MEF2D: variants seen among roughly 807,000 people sequenced by gnomAD.
The protein encoded by MEF2D is myocyte-specific enhancer factor 2D.
Under a neutral mutation model 59.3 loss-of-function variants are expected in MEF2D, and 10 were observed. The ratio of observed to expected loss-of-function variants is 0.17; its 90% CI spans 0.10 to 0.29. The LOEUF (loss-of-function observed/expected upper bound fraction) is 0.29, where lower values mean the gene tolerates loss of function less well. Ranked by LOEUF, MEF2D falls within the 10% of genes least tolerant of loss-of-function variation. MEF2D has a pLI of 1.00. For missense variants in MEF2D, 508 were observed against 699.4 expected (o/e 0.73, Z 3.09); for synonymous variants, 305 against 295.0 (o/e 1.03, Z -0.35).
intron 1 of MEF2D, among the ~76,000 whole-genome samples, chr1:156,485,066 C>A (rs559158592): frequency 2.2e-4 from 33 of 152,286 alleles, no homozygotes; most frequent in African/African-American, 7.9e-4. Flanking sequence ...CCGCCCTCCC[C>A]TCCAGAGCTC....
intron 9 of MEF2D, 81 bp from the exon 10 acceptor site, chr1:156,469,101 C>T: frequency 6.6e-7 from 1 of 1,513,086 alleles, no homozygotes; most frequent in Non-Finnish European, 8.9e-7. Flanking sequence ...TCCAGGAGGA[C>T]TGTGGGGATG....
intron 1 of MEF2D, 69 bp from the exon 2 acceptor site, chr1:156,483,499 G>A (rs1672158301): frequency 1.7e-6 from 1 of 578,554 alleles, no homozygotes; most frequent in Non-Finnish European, 3.1e-6. Context: ...TGGGCACACA[G>A]GCCAGACTCA....
intron 1 of MEF2D, among the ~76,000 whole-genome samples, chr1:156,498,522 C>T (rs1673277558): frequency 6.6e-6 from 1 of 152,050 alleles, no homozygotes; most frequent in Non-Finnish European, 1.5e-5. Flanking sequence ...CACAGATTTG[C>T]TGTGTGATCT....
rs61752715 is a variant in MEF2D, at chr1:156,479,336, C to A, written c.618G>T (p.Leu206=). 467 of 1,612,954 alleles carry A rather than the reference C, an allele frequency of 2.9e-4. 1 individual carries two copies. Among genetic ancestry groups the A allele is most frequent in the Non-Finnish European group, 3.8e-4 (443 of 1,179,590 alleles). The change falls in exon 6 of 12, where the codon CTG becomes CTT. Residue 206 remains leucine, a synonymous_variant. Transcript: ENST00000348159. ...PQRPASAGAM[L]GGDLNSANGA... ...CGTTAGCACTGTTCAGGTCACCCCC[C>A]AGCATGGCCCCTGGAGGAAAAACAG...
At chr1:156,489,793 G>A (rs562191534) in intron 1 of MEF2D, among the ~76,000 whole-genome samples, 36 of 152,274 alleles carry the variant, frequency 2.4e-4, no homozygotes, top group African/African-American at 8.7e-4. Context: ...GAGCATCCCA[G>A]AGCAGGCAGG....
Position 156,500,719 on chromosome 1 carries a change from C to T in MEF2D, c.-372G>A, listed in dbSNP as rs1000933639. 2.0e-5 allele frequency: 3 copies of T among 152,114 alleles called. No homozygotes were observed. The highest frequency in any genetic ancestry group is 7.2e-5 in the African/African-American group (3 of 41,428). The allele number at this position is 152,114 out of a possible 1,614,324, so 9.4% of individuals were successfully genotyped here. A position where few individuals can be genotyped will look rare whatever the true frequency, so the allele number is the denominator to read the frequency against. On this transcript the variant is annotated 5_prime_UTR_variant, in exon 1 of 12. Transcript: ENST00000348159. ...GAACCGGGGCCGAGCGCCTGAGCCGCCTCGGCTGTTGTTGATATTTTGCTT... is the reference window on the plus strand; with the variant it reads ...GAACCGGGGCCGAGCGCCTGAGCCGTCTCGGCTGTTGTTGATATTTTGCTT...
chr1:156,498,591 C>T (rs1215552002), intron 1 of MEF2D, among the ~76,000 whole-genome samples: 1 of 152,100 alleles, frequency 6.6e-6, no homozygotes, highest in Non-Finnish European at 1.5e-5. Flanking sequence ...TCCTCCCTTC[C>T]TCCCTTCCCC....
intron 6 of MEF2D, 23 bp downstream of exon 6, chr1:156,479,267 G>A: frequency 1.3e-6 from 2 of 1,598,704 alleles, no homozygotes; most frequent in South Asian, 2.3e-5. Flanking sequence ...CCCACCTCCA[G>A]GTAGAAGGAT....
At chr1:156,474,112 A>C (rs1671414983) in intron 9 of MEF2D, among the ~76,000 whole-genome samples, 1 of 152,120 alleles carries the variant, frequency 6.6e-6, no homozygotes, top group Admixed American at 6.5e-5. Context: ...TCTCGTCCTC[A>C]GGCTGCAGGC....
intron 1 of MEF2D, among the ~76,000 whole-genome samples, chr1:156,497,066 C>T (rs368718886): frequency 1.3e-5 from 2 of 152,354 alleles, no homozygotes; most frequent in South Asian, 2.1e-4. Flanking sequence ...CTCTCTCCCC[C>T]CCAGCTTCCC....
At position 156,468,010 on chromosome 1, in the gene MEF2D, T is replaced by C; in HGVS notation, c.1537A>G (p.Met513Val). The C allele has an allele frequency of 6.2e-7, 1 of 1,613,072 alleles. No individual in the cohort carries two copies. The highest frequency in any genetic ancestry group is 8.5e-7 in the Non-Finnish European group (1 of 1,179,704). The change falls in exon 11 of 12, where the codon ATG becomes GTG. Residue 513 changes from methionine to valine, a missense_variant. Around this residue, in one of 2 missense-constraint regions of MEF2D, gnomAD observed 481 missense variants for 584.7 expected, o/e 0.82. Transcript: ENST00000348159. This position sits in a 1 kb window ranked among gnomAD's most constrained non-coding sequence, Gnocchi z 4.3. The stretch of plus-strand genomic sequence containing the variant: ...TACAGTACCCAGGTATCAAGCCGCA[T>C]CCTCTTCACAGCTGAGCCCTCAGCC... Reference protein sequence around the residue: ...PEAEGSAVKRMRLDTWTLK With the variant: ...PEAEGSAVKRVRLDTWTLK
intron 1 of MEF2D, among the ~76,000 whole-genome samples, chr1:156,485,306 G>A (rs983527155): frequency 1.3e-5 from 2 of 152,144 alleles, no homozygotes; most frequent in Admixed American, 6.5e-5. Context: ...CACAGTAGAT[G>A]CTAAAGTTCA....
At chr1:156,485,409 C>T (rs1672288760) in intron 1 of MEF2D, among the ~76,000 whole-genome samples, 1 of 152,164 alleles carries the variant, frequency 6.6e-6, no homozygotes, top group Non-Finnish European at 1.5e-5. Flanking sequence ...CATCCCATTA[C>T]CAAGACTGCT....
chr1:156,473,572 C>T (rs1260703052), intron 9 of MEF2D, among the ~76,000 whole-genome samples: 1 of 152,198 alleles, frequency 6.6e-6, no homozygotes, highest in Non-Finnish European at 1.5e-5. Flanking sequence ...CAAGGCGTTT[C>T]CTTACTGGCA....
At position 156,465,482 on chromosome 1, in the gene MEF2D, G is replaced by C. The variant is rs1252339164; in HGVS notation, c.*2163C>G. The C allele has an allele frequency of 6.6e-6, 1 of 152,502 alleles. No individual in the cohort carries two copies. Among genetic ancestry groups the C allele is most frequent in the African/African-American group, 2.4e-5 (1 of 41,400 alleles). The allele number at this position is 152,502 out of a possible 1,614,324, so 9.4% of individuals were successfully genotyped here. On this transcript the variant is annotated 3_prime_UTR_variant, in exon 12 of 12. Coordinates refer to ENST00000348159, the MANE Select transcript of MEF2D (RefSeq NM_005920.4). ...AAGGAGCAGGGAAGACAGGAGTTGG[G>C]GTCCCAGGGCTGTGGAGCTGGAGCA... is the stretch of plus-strand genomic sequence containing the variant.
rs1671857643 is a variant in MEF2D at position 156,479,692 on chromosome 1, G to C, written c.501C>G (p.Ser167=). 1 of 1,551,706 alleles carries C rather than the reference G, an allele frequency of 6.4e-7. No homozygotes were observed. The highest frequency in any genetic ancestry group is 2.0e-5 in the Admixed American group (1 of 50,998). Residue 167 remains serine, a synonymous_variant, in exon 5 of 12, where the codon TCC becomes TCG. Transcript: ENST00000348159. ...GGTCCGTGAGGGATGATGTCACCAG[G>C]GAAGGGGTGACCAGGGAGCCGCTGG... ...SNPSGSLVTP[S]LVTSSLTDPR... is the part of the protein sequence containing the mutation.
intron 1 of MEF2D, among the ~76,000 whole-genome samples, chr1:156,484,520 GAAC>G (rs138700910): frequency 0.011 from 1,738 of 152,330 alleles, 10 homozygotes; most frequent in Middle Eastern, 0.041. Flanking sequence ...ACCACATCTA[GAAC>G]CCAAGCTCAG....
intron 11 of MEF2D, 129 bp downstream of exon 11, chr1:156,467,864 G>A: frequency 7.9e-7 from 1 of 1,270,990 alleles, no homozygotes; most frequent in Non-Finnish European, 1.1e-6. Context: ...TGCTGCCCTA[G>A]AAGGGCTGGC....
intron 4 of MEF2D, 37 bp downstream of exon 4, chr1:156,480,797 A>C (rs777619042): frequency 6.3e-7 from 1 of 1,589,572 alleles, no homozygotes; most frequent in South Asian, 1.1e-5. Flanking sequence ...AGGGGCCGGA[A>C]GGGGGGGCCA....
Sources: gnomAD v4.1 joint callset for allele counts (sites outside exome capture counted in the v4.1 genomes callset) on GRCh38, gnomAD v4.1.1 for gene constraint, gnomAD v4.1.1 regional missense constraint, Gnocchi (gnomAD v3.1) non-coding constraint, MANE v1.5 for transcripts, NCBI Gene and HGNC (gene_info 2026-07-23, HGNC 2026-07-21) for gene names.